The following PDE4B variants were observed in gnomAD, a reference collection of about 807,000 sequenced individuals.
PDE4B encodes phosphodiesterase 4B.
PDE4B carries 20 observed loss-of-function variants against 82.2 expected under a neutral mutation model. The observed-to-expected ratio is 0.24, with a 90% CI of 0.17 to 0.35. PDE4B has a LOEUF of 0.35. PDE4B is among the 10% of genes least tolerant of loss of function. The probability of loss-of-function intolerance (pLI) is 1.00; values close to 1 mark genes in which losing one functional copy is unlikely to be tolerated. For missense variants in PDE4B, 655 were observed against 907.2 expected (o/e 0.72, Z 3.57); for synonymous variants, 320 against 318.9 (o/e 1.00, Z -0.04).
chr1:66,006,210 C>T (rs1430941399), intron 3 of PDE4B, among the ~76,000 whole-genome samples: 1 of 152,262 alleles, frequency 6.6e-6, no homozygotes, highest in Non-Finnish European at 1.5e-5. Flanking sequence ...TACAGCTTTG[C>T]TGCATTTGTG....
At chr1:66,129,659 C>CAAAAAAAAAAAAAAA (rs59846345) in intron 3 of PDE4B, among the ~76,000 whole-genome samples, 3 of 94,794 alleles carry the variant, frequency 3.2e-5, no homozygotes, top group Non-Finnish European at 6.2e-5. Flanking sequence ...GACTCCGTCT[C>CAAAAAAAAAAAAAAA]AAAAAAAAAA....
chr1:66,249,596 C>A (rs114861592), intron 4 of PDE4B, among the ~76,000 whole-genome samples: 4,152 of 152,234 alleles, frequency 0.027, 86 homozygotes, highest in Middle Eastern at 0.044. Flanking sequence ...CTAAATGACA[C>A]CGCATCCAGC....
intron 3 of PDE4B, among the ~76,000 whole-genome samples, chr1:66,244,070 AC>A (rs1653097478): frequency 6.6e-6 from 1 of 152,240 alleles, no homozygotes; most frequent in East Asian, 1.9e-4. Flanking sequence ...AAAGTTATCA[AC>A]TGCAACATTA....
chr1:66,009,584 C>T (rs967126845), intron 3 of PDE4B, among the ~76,000 whole-genome samples: 2 of 152,134 alleles, frequency 1.3e-5, no homozygotes, highest in African/African-American at 4.8e-5. Flanking sequence ...CTTCCCCTCA[C>T]ACCATCCCAG....
intron 3 of PDE4B, among the ~76,000 whole-genome samples, chr1:66,169,597 G>A (rs1646800586): frequency 1.3e-5 from 2 of 152,188 alleles, no homozygotes; most frequent in African/African-American, 2.4e-5. Flanking sequence ...AACGCAGAAC[G>A]AGTCAGACAG....
intron 3 of PDE4B, among the ~76,000 whole-genome samples, chr1:66,084,622 C>G (rs1656911219): frequency 6.6e-6 from 1 of 152,092 alleles, no homozygotes; most frequent in African/African-American, 2.4e-5. Context: ...GGGATCAACC[C>G]TCAAAGTAGG....
At chr1:66,274,327 A>ATT (rs34185918) in intron 7 of PDE4B, among the ~76,000 whole-genome samples, 1 of 147,904 alleles carries the variant, frequency 6.8e-6, no homozygotes. Context: ...CACCCAGCTA[A>ATT]TTTTTTTTTT....
chr1:66,049,432 T>G (rs1443797787), intron 3 of PDE4B, among the ~76,000 whole-genome samples: 1 of 151,978 alleles, frequency 6.6e-6, no homozygotes, highest in Non-Finnish European at 1.5e-5. Context: ...AGGAGTAGTA[T>G]GGTTTGAGTA....
In PDE4B at chr1:66,374,497, AG is replaced by A. The variant is rs1217579480; in HGVS notation, c.*1820del. On this transcript the variant is annotated 3_prime_UTR_variant, in exon 17 of 17. Coordinates refer to ENST00000341517, the MANE Select transcript of PDE4B (RefSeq NM_002600.4). Reference sequence around the variant, plus strand: ...AAATGTTTCTCACAATGTATGTTATAGTATTATTATTATATATTGTGTTCAA... The same window carrying A: ...AAATGTTTCTCACAATGTATGTTATATATTATTATTATATATTGTGTTCAA... 1 of 152,652 alleles carries A rather than the reference AG, an allele frequency of 6.6e-6. No homozygotes were observed. Among genetic ancestry groups the A allele is most frequent in the East Asian group, 1.9e-4 (1 of 5,200 alleles). 9.5% of individuals were successfully genotyped at this position (152,652 alleles called of 1,614,324 possible).
intron 10 of PDE4B, among the ~76,000 whole-genome samples, chr1:66,362,759 G>T (rs1662882132): frequency 6.6e-6 from 1 of 152,148 alleles, no homozygotes. Context: ...GATAACCAAA[G>T]GGCAGAGGAG....
chr1:66,217,163 T>G (rs1022779159), intron 3 of PDE4B, among the ~76,000 whole-genome samples: 3 of 152,068 alleles, frequency 2.0e-5, no homozygotes, highest in Non-Finnish European at 4.4e-5. Flanking sequence ...AGTGTGTCAT[T>G]AGCCTCAGAT....
intron 3 of PDE4B, among the ~76,000 whole-genome samples, chr1:65,988,437 G>A (rs2100670146): frequency 6.6e-6 from 1 of 152,210 alleles, no homozygotes; most frequent in Admixed American, 6.5e-5. Context: ...GCTGGAAGAG[G>A]TATGTTAGTT....
At chr1:66,306,908 A>G (rs1557691176) in intron 7 of PDE4B, among the ~76,000 whole-genome samples, 1 of 152,164 alleles carries the variant, frequency 6.6e-6, no homozygotes, top group Admixed American at 6.6e-5. Context: ...GGAAATACAG[A>G]TGTGGCACTT....
intron 3 of PDE4B, among the ~76,000 whole-genome samples, chr1:66,140,138 T>C (rs1219874315): frequency 6.6e-6 from 1 of 152,188 alleles, no homozygotes; most frequent in Non-Finnish European, 1.5e-5. Context: ...ATGGCTGTTC[T>C]TGATGCTTGT....
intron 3 of PDE4B, among the ~76,000 whole-genome samples, chr1:65,939,144 T>A (rs993742069): frequency 5.9e-5 from 9 of 152,108 alleles, no homozygotes; most frequent in Admixed American, 3.9e-4. Context: ...TTTATTCTAA[T>A]AAGGGTATAG....
At chr1:66,271,447 G>A (rs983918331) in intron 7 of PDE4B, among the ~76,000 whole-genome samples, 3 of 152,144 alleles carry the variant, frequency 2.0e-5, no homozygotes, top group African/African-American at 7.2e-5. Context: ...TGCTATTGAC[G>A]TCAATGGAGT....
intron 3 of PDE4B, among the ~76,000 whole-genome samples, chr1:65,930,966 T>C (rs1483974119): frequency 2.6e-5 from 4 of 152,214 alleles, no homozygotes; most frequent in African/African-American, 7.2e-5. Flanking sequence ...TCATGTTCAA[T>C]TGTAATCCCC....
chr1:66,243,244 G>A (rs1350318641), intron 3 of PDE4B, among the ~76,000 whole-genome samples: 1 of 152,184 alleles, frequency 6.6e-6, no homozygotes, highest in Non-Finnish European at 1.5e-5. Context: ...GAAACACAAG[G>A]CAGTGGGGTC....
chr1:66,296,980 AATTAAGT>A (rs1481074560), intron 7 of PDE4B, among the ~76,000 whole-genome samples: 4 of 152,186 alleles, frequency 2.6e-5, no homozygotes, highest in Non-Finnish European at 4.4e-5. Flanking sequence ...TCAGGCTAGA[AATTAAGT>A]TTAATCATTC....
Sources: gnomAD v4.1 joint callset for allele counts (sites outside exome capture counted in the v4.1 genomes callset) on GRCh38, gnomAD v4.1.1 for gene constraint, MANE v1.5 for transcripts, NCBI Gene and HGNC (gene_info 2026-07-23, HGNC 2026-07-21) for gene names.